Variants in SIK2 observed in about 807,000 individuals in gnomAD.
The protein encoded by SIK2 is serine/threonine-protein kinase SIK2.
SIK2 carries 29 observed loss-of-function variants against 103.2 expected under a neutral mutation model. That is an observed-to-expected ratio of 0.28 (90% CI 0.21 to 0.38). The LOEUF (loss-of-function observed/expected upper bound fraction) is 0.38, where lower values mean the gene tolerates loss of function less well. Ranked by LOEUF, SIK2 falls within the 10% of genes least tolerant of loss-of-function variation. The pLI, the probability that SIK2 is intolerant of heterozygous loss-of-function variation, is 1.00. For missense variants in SIK2, 879 were observed against 1,171.0 expected (o/e 0.75, Z 3.64); for synonymous variants, 412 against 446.1 (o/e 0.92, Z 0.96).
intron 3 of SIK2, among the ~76,000 whole-genome samples, chr11:111,681,594 G>T (rs985943994): frequency 3.3e-5 from 5 of 152,160 alleles, no homozygotes; most frequent in African/African-American, 1.2e-4. Flanking sequence ...AATCTTAATG[G>T]TCATCATTGG....
chr11:111,638,324 G>A (rs975405487), intron 3 of SIK2, among the ~76,000 whole-genome samples: 3 of 152,072 alleles, frequency 2.0e-5, no homozygotes, highest in African/African-American at 7.2e-5. Context: ...ATTTCTACTG[G>A]GGTAGAAATC....
chr11:111,722,586 G>A lies in SIK2; in HGVS notation c.2056-79G>A. The A allele has an allele frequency of 7.6e-7, 1 of 1,323,432 alleles. No homozygotes were observed. Among genetic ancestry groups the A allele is most frequent in the Middle Eastern group, 2.1e-4 (1 of 4,716 alleles). The allele number at this position is 1,323,432 out of a possible 1,614,324, so 82.0% of individuals were successfully genotyped here. ...TGTAGAATGCAGTTAGATTCATCCT[G>A]CAGGCAGAAGCACATCTGATGACTG... On this transcript the variant is annotated intron_variant, in intron 13 of 14. Coordinates refer to ENST00000304987, the MANE Select transcript of SIK2 (RefSeq NM_015191.3). The surrounding 1 kb of genome is among the most constrained non-coding windows in gnomAD (Gnocchi z 4.4).
chr11:111,727,738 AT>A lies in SIK2; in HGVS notation c.*3611del, dbSNP rs1404057041. The A allele has an allele frequency of 6.6e-6, 1 of 152,464 alleles. No individual in the cohort carries two copies. The highest frequency in any genetic ancestry group is 1.9e-4 in the East Asian group (1 of 5,174). 9.4% of individuals were successfully genotyped at this position (152,464 alleles called of 1,614,324 possible). ...GAAGGATATTCTCAGCTCCAGAGTG[AT>A]TAGGTGATCAGCCAGAAACTAAGGC... On this transcript the variant is annotated 3_prime_UTR_variant, in exon 15 of 15. Coordinates refer to ENST00000304987, the MANE Select transcript of SIK2 (RefSeq NM_015191.3).
In SIK2 at chr11:111,616,324, A is replaced by G; in HGVS notation, c.217A>G (p.Met73Val). 1 of 1,612,774 alleles carries G rather than the reference A, an allele frequency of 6.2e-7. No homozygotes were observed. The highest frequency in any genetic ancestry group is 8.5e-7 in the Non-Finnish European group (1 of 1,178,940). The change falls in exon 2 of 15, where the codon ATG becomes GTG. Residue 73 changes from methionine to valine, a missense_variant. Met to Val is a conservative substitution (Grantham distance 21, BLOSUM62 1). This residue lies in a region of SIK2 where 126 missense variants were observed against 245.5 expected (regional missense o/e 0.51). Transcript: ENST00000304987. ...CTACCGAGAAGTACAAATAATGAAAATGTTAGACCACCCTCACATAATCAA... is the reference window on the plus strand; with the variant it reads ...CTACCGAGAAGTACAAATAATGAAAGTGTTAGACCACCCTCACATAATCAA... ...KIYREVQIMKMLDHPHIIKLY... is the reference protein window; with the variant it reads ...KIYREVQIMKVLDHPHIIKLY...
intron 1 of SIK2, among the ~76,000 whole-genome samples, chr11:111,610,966 C>T (rs1219064877): frequency 2.0e-5 from 3 of 152,148 alleles, no homozygotes; most frequent in Non-Finnish European, 4.4e-5. Flanking sequence ...ACACATAAGG[C>T]TGGGTGAGGT....
chr11:111,701,377 C>T lies in SIK2; in HGVS notation c.604-75C>T, dbSNP rs1412722708. On this transcript the variant is annotated intron_variant, in intron 5 of 14. Coordinates refer to ENST00000304987, the MANE Select transcript of SIK2 (RefSeq NM_015191.3). The surrounding 1 kb of genome is among the most constrained non-coding windows in gnomAD (Gnocchi z 4.2). ...TTTCAGTCCATATGATTTCAAGAGCCCTGGGGATGTTCAGGAAAACAAAGA... is the reference window on the plus strand; with the variant it reads ...TTTCAGTCCATATGATTTCAAGAGCTCTGGGGATGTTCAGGAAAACAAAGA... The T allele has an allele frequency of 6.5e-7, 1 of 1,542,992 alleles. No homozygotes were observed. The highest frequency in any genetic ancestry group is 8.8e-7 in the Non-Finnish European group (1 of 1,137,374).
At chr11:111,641,454 T>C (rs1942182246) in intron 3 of SIK2, among the ~76,000 whole-genome samples, 1 of 152,240 alleles carries the variant, frequency 6.6e-6, no homozygotes, top group Non-Finnish European at 1.5e-5. Context: ...CTTGGACTCA[T>C]TCTTTTTTAT....
At chr11:111,647,127 A>T (rs1451481402) in intron 3 of SIK2, among the ~76,000 whole-genome samples, 1 of 152,204 alleles carries the variant, frequency 6.6e-6, no homozygotes, top group Non-Finnish European at 1.5e-5. Context: ...TTTAACTGTT[A>T]TAGTAGTCCA....
chr11:111,650,812 A>G (rs200190530), intron 3 of SIK2, among the ~76,000 whole-genome samples: 3 of 152,172 alleles, frequency 2.0e-5, no homozygotes, highest in East Asian at 3.8e-4. Flanking sequence ...GTTGTATTCA[A>G]TAGAGCTAAA....
intron 2 of SIK2, among the ~76,000 whole-genome samples, chr11:111,618,337 AC>A (rs561442220): frequency 3.0e-3 from 453 of 152,282 alleles, no homozygotes; most frequent in African/African-American, 0.01. Context: ...CCAGTCTGTG[AC>A]CCGGCGGTTA....
intron 1 of SIK2, among the ~76,000 whole-genome samples, chr11:111,611,115 T>C (rs1268556708): frequency 1.3e-5 from 2 of 151,160 alleles, no homozygotes; most frequent in Non-Finnish European, 3.0e-5. Flanking sequence ...TGTGTGTGTG[T>C]GTGCACACCT....
Position 111,723,870 on chromosome 11 carries a change from C to T in SIK2, c.2522C>T (p.Pro841Leu), listed in dbSNP as rs1565399815. The T allele has an allele frequency of 6.2e-7, 1 of 1,613,834 alleles. No individual in the cohort carries two copies. Among genetic ancestry groups the T allele is most frequent in the Non-Finnish European group, 8.5e-7 (1 of 1,179,856 alleles). ...PPRQPGAAPA[P>L]LQFSYQTCEL... ...CGACAGCCAGGAGCTGCCCCAGCCC[C>T]CTTACAGTTCTCCTATCAGACTTGT... Residue 841 changes from proline to leucine, a missense_variant, in exon 15 of 15, where the codon CCC becomes CTC. Physicochemically the swap from Pro to Leu is moderately conservative, Grantham distance 98 (BLOSUM62 -3). This residue lies in a region of SIK2 where 375 missense variants were observed against 416.3 expected (regional missense o/e 0.90). Coordinates refer to ENST00000304987, the MANE Select transcript of SIK2 (RefSeq NM_015191.3).
chr11:111,684,529 T>C (rs1942819709), intron 3 of SIK2, among the ~76,000 whole-genome samples: 1 of 152,224 alleles, frequency 6.6e-6, no homozygotes, highest in Non-Finnish European at 1.5e-5. Context: ...TAGCATTTTG[T>C]GTGGAATCTT....
intron 1 of SIK2, among the ~76,000 whole-genome samples, chr11:111,608,351 C>T (rs1033161957): frequency 2.0e-5 from 3 of 152,046 alleles, no homozygotes; most frequent in African/African-American, 7.2e-5. Flanking sequence ...ATTTTAAGTT[C>T]TTCTTGAAAG....
chr11:111,680,377 G>A (rs931627121), intron 3 of SIK2, among the ~76,000 whole-genome samples: 2 of 152,026 alleles, frequency 1.3e-5, no homozygotes, highest in Admixed American at 6.6e-5. Flanking sequence ...GCAGATTTGT[G>A]GGTTAGGACC....
rs200181483 is a variant in SIK2, at chr11:111,703,316, G to C, written c.841G>C (p.Val281Leu). Residue 281 changes from valine to leucine, a missense_variant, in exon 7 of 15, where the codon GTT (valine) becomes CTT (leucine). By Grantham distance (32) the Val-to-Leu change is conservative. Transcript: ENST00000304987. ...CATAGAAGTTCCTGTCCAGAGACCT[G>C]TTCTCTATCCACAAGAGCAAGAAAA... ...MLIEVPVQRPVLYPQEQENEP... is the reference protein window; with the variant it reads ...MLIEVPVQRPLLYPQEQENEP... The C allele has an allele frequency of 6.2e-7, 1 of 1,614,178 alleles. No individual in the cohort carries two copies.
intron 8 of SIK2, among the ~76,000 whole-genome samples, chr11:111,710,803 A>G (rs1468023039): frequency 6.6e-6 from 1 of 152,246 alleles, no homozygotes; most frequent in African/African-American, 2.4e-5. Context: ...GGAGCCAGGA[A>G]TCAAACTCAG....
intron 3 of SIK2, among the ~76,000 whole-genome samples, chr11:111,660,528 A>G (rs958782474): frequency 6.6e-6 from 1 of 152,220 alleles, no homozygotes. Context: ...CCAAAAGGGC[A>G]TGGCAGACAG....
intron 3 of SIK2, chr11:111,672,166 A>G (rs1169174277): frequency 6.9e-6 from 3 of 432,852 alleles, no homozygotes; most frequent in Middle Eastern, 7.9e-4. Flanking sequence ...AAAAGAGCTT[A>G]GCAGGCTCTG....
Sources: allele counts gnomAD v4.1 joint callset (sites outside exome capture counted in the v4.1 genomes callset), GRCh38; gene constraint gnomAD v4.1.1; regional missense constraint gnomAD v4.1.1; non-coding constraint Gnocchi (gnomAD v3.1); transcripts MANE v1.5; gene names NCBI Gene and HGNC (gene_info 2026-07-23, HGNC 2026-07-21).